PCDH9: variants seen among roughly 807,000 people sequenced by gnomAD.
The protein encoded by PCDH9 is protocadherin 9.
A neutral mutation model predicts 70.6 loss-of-function variants in PCDH9; 24 were observed. That is an observed-to-expected ratio of 0.34 (90% CI 0.25 to 0.48). The LOEUF (loss-of-function observed/expected upper bound fraction) is 0.48, where lower values mean the gene tolerates loss of function less well. Ranked by LOEUF, PCDH9 falls within the 20% of genes least tolerant of loss-of-function variation. The probability of loss-of-function intolerance (pLI) is 0.99; values close to 1 mark genes in which losing one functional copy is unlikely to be tolerated. For synonymous variants in PCDH9, 562 were observed against 558.5 expected, an observed-to-expected ratio of 1.01 and a Z score of -0.09; for missense variants, 1,281 against 1,503.6, an observed-to-expected ratio of 0.85 and a Z score of 2.45.
At chr13:67,216,968 CA>C (rs1382820988) in intron 2 of PCDH9, 4 of 151,764 alleles carry the variant, frequency 2.6e-5, no homozygotes, top group Non-Finnish European at 5.9e-5. Context: ...CATCAACTCA[CA>C]ACTCAGAACT....
intron 4 of PCDH9, among the ~76,000 whole-genome samples, chr13:66,336,869 G>A (rs962354534): frequency 4.9e-4 from 74 of 152,084 alleles, no homozygotes; most frequent in African/African-American, 1.8e-3. Flanking sequence ...AGTAAATATA[G>A]GCAGTTGGAT....
chr13:66,536,520 A>G (rs909791970), intron 4 of PCDH9, among the ~76,000 whole-genome samples: 2 of 152,118 alleles, frequency 1.3e-5, no homozygotes, highest in African/African-American at 4.8e-5. Flanking sequence ...TGAGGAAAAC[A>G]TGACTCAATG....
chr13:66,553,361 A>G (rs1961582978), intron 4 of PCDH9, among the ~76,000 whole-genome samples: 1 of 152,158 alleles, frequency 6.6e-6, no homozygotes, highest in Non-Finnish European at 1.5e-5. Flanking sequence ...ATATTCTTAG[A>G]ATATATTAAA....
At chr13:66,940,095 A>G (rs758492551) in intron 2 of PCDH9, among the ~76,000 whole-genome samples, 1 of 152,168 alleles carries the variant, frequency 6.6e-6, no homozygotes, top group Non-Finnish European at 1.5e-5. Context: ...GGCAAGAAAT[A>G]ATACCATTTG....
chr13:66,551,821 A>T (rs770840574), intron 4 of PCDH9, among the ~76,000 whole-genome samples: 24 of 152,178 alleles, frequency 1.6e-4, no homozygotes, highest in Non-Finnish European at 3.2e-4. Context: ...AGCACATATA[A>T]TGTAGGACAG....
intron 3 of PCDH9, among the ~76,000 whole-genome samples, chr13:66,867,458 G>C (rs536798478): frequency 6.6e-6 from 1 of 152,130 alleles, no homozygotes; most frequent in Non-Finnish European, 1.5e-5. Flanking sequence ...TTGAGCTACT[G>C]AAAAGGACAT....
At chr13:66,544,562 G>A (rs1961101317) in intron 4 of PCDH9, among the ~76,000 whole-genome samples, 1 of 152,146 alleles carries the variant, frequency 6.6e-6, no homozygotes. Context: ...GTAGAACAGT[G>A]CTACCTTACA....
At chr13:66,961,611 T>C (rs528831098) in intron 2 of PCDH9, among the ~76,000 whole-genome samples, 4 of 152,198 alleles carry the variant, frequency 2.6e-5, no homozygotes, top group African/African-American at 7.2e-5. Context: ...CTGAGCAACA[T>C]AGTGAGTCCC....
chr13:67,006,350 C>T (rs554310382), intron 2 of PCDH9, among the ~76,000 whole-genome samples: 2 of 152,110 alleles, frequency 1.3e-5, no homozygotes, highest in Non-Finnish European at 2.9e-5. Flanking sequence ...GTATAAAATA[C>T]AAAACCGGAA....
At chr13:66,543,535 C>G (rs1464389743) in intron 4 of PCDH9, among the ~76,000 whole-genome samples, 2 of 151,534 alleles carry the variant, frequency 1.3e-5, no homozygotes, top group African/African-American at 4.8e-5. Context: ...CCACTGCACT[C>G]CAGCCTGGGA....
At chr13:66,460,368 C>T (rs548883747) in intron 4 of PCDH9, among the ~76,000 whole-genome samples, 220 of 152,022 alleles carry the variant, frequency 1.4e-3, no homozygotes, top group Middle Eastern at 3.4e-3. Context: ...AATAGAAACT[C>T]ATGCAGGAAT....
chr13:66,909,004 C>A (rs910954733), intron 2 of PCDH9, among the ~76,000 whole-genome samples: 1 of 151,746 alleles, frequency 6.6e-6, no homozygotes, highest in Non-Finnish European at 1.5e-5. Context: ...AATAGGCAGA[C>A]CCTAAAATGA....
At chr13:66,622,901 G>A (rs1167548931) in intron 4 of PCDH9, among the ~76,000 whole-genome samples, 2 of 152,148 alleles carry the variant, frequency 1.3e-5, no homozygotes, top group South Asian at 2.1e-4. Context: ...AACACTCACC[G>A]CAAAGGTCTG....
At chr13:67,192,116 A>G (rs2088932283) in intron 2 of PCDH9, among the ~76,000 whole-genome samples, 1 of 152,144 alleles carries the variant, frequency 6.6e-6, no homozygotes. Context: ...AAAGAGATGA[A>G]CACAGTTCCT....
chr13:67,152,020 T>C (rs1006499189), intron 2 of PCDH9, among the ~76,000 whole-genome samples: 1 of 152,194 alleles, frequency 6.6e-6, no homozygotes, highest in Non-Finnish European at 1.5e-5. Flanking sequence ...CCAAGTTACA[T>C]GAGATAAACT....
intron 3 of PCDH9, among the ~76,000 whole-genome samples, chr13:66,800,913 C>G (rs1276294611): frequency 6.6e-6 from 1 of 151,842 alleles, no homozygotes; most frequent in Non-Finnish European, 1.5e-5. Flanking sequence ...TAGAAAAATG[C>G]TGGCACATCC....
intron 4 of PCDH9, among the ~76,000 whole-genome samples, chr13:66,485,939 G>A (rs1429852794): frequency 2.6e-5 from 4 of 151,874 alleles, no homozygotes; most frequent in Non-Finnish European, 5.9e-5. Context: ...TGTTGGCCAC[G>A]CTGGTCTCGA....
intron 3 of PCDH9, among the ~76,000 whole-genome samples, chr13:66,846,713 T>C (rs1217817101): frequency 6.6e-6 from 1 of 152,122 alleles, no homozygotes; most frequent in Non-Finnish European, 1.5e-5. Context: ...GAAAAACATA[T>C]GCCTATGACT....
At chr13:67,041,069 A>C (rs1490049529) in intron 2 of PCDH9, among the ~76,000 whole-genome samples, 2 of 152,170 alleles carry the variant, frequency 1.3e-5, no homozygotes, top group Non-Finnish European at 2.9e-5. Context: ...ACATTAAAAA[A>C]AAAAGATTAG....
Sources: allele counts gnomAD v4.1 joint callset (sites outside exome capture counted in the v4.1 genomes callset), GRCh38; gene constraint gnomAD v4.1.1; transcripts MANE v1.5; gene names NCBI Gene and HGNC (gene_info 2026-07-23, HGNC 2026-07-21).